Variants in NPHP4 observed in about 807,000 individuals in gnomAD.
NPHP4 encodes nephrocystin 4.
In NPHP4, 151 loss-of-function variants were observed where a neutral mutation model predicts 155.8. The observed-to-expected ratio is 0.97, with a 90% CI of 0.85 to 1.11. NPHP4 has a LOEUF of 1.11. NPHP4 is among the 50% of genes least tolerant of loss of function. The probability of loss-of-function intolerance (pLI) is 0.00; values close to 1 mark genes in which losing one functional copy is unlikely to be tolerated. For missense variants in NPHP4, 1,956 were observed against 1,925.7 expected (o/e 1.02, Z -0.29); for synonymous variants, 845 against 816.8 (o/e 1.03, Z -0.59).
intron 2 of NPHP4, among the ~76,000 whole-genome samples, chr1:5,978,974 T>C (rs1654189355): frequency 6.6e-6 from 1 of 152,150 alleles, no homozygotes; most frequent in South Asian, 2.1e-4. Flanking sequence ...AAAAAGCAGA[T>C]CTTTGAGAAT....
intron 11 of NPHP4, among the ~76,000 whole-genome samples, chr1:5,909,572 G>A (rs1487625866): frequency 6.6e-6 from 1 of 152,166 alleles, no homozygotes; most frequent in African/African-American, 2.4e-5. Flanking sequence ...GGGGTCTGAG[G>A]TTGCCCCAGT....
chr1:5,943,205 G>A (rs1048531389), intron 9 of NPHP4, among the ~76,000 whole-genome samples: 18 of 152,198 alleles, frequency 1.2e-4, no homozygotes, highest in Admixed American at 9.8e-4. Flanking sequence ...AAAGGTTTTA[G>A]ATGCTTTGGT....
chr1:5,910,351 C>T lies in NPHP4; in HGVS notation c.1442-1138G>A, dbSNP rs1000581844. Among the ~76,000 whole-genome samples, 3 of 152,178 alleles carry T rather than the reference C, an allele frequency of 2.0e-5. No individual in the cohort carries two copies. The highest frequency in any genetic ancestry group is 4.8e-5 in the African/African-American group (2 of 41,430). On this transcript the variant is annotated intron_variant, in intron 11 of 29. Coordinates refer to ENST00000378156, the MANE Select transcript of NPHP4 (RefSeq NM_015102.5). This position sits in a 1 kb window ranked among gnomAD's most constrained non-coding sequence, Gnocchi z 5.4. ...TGCAGCAGACACTACCACTCCCCAT[C>T]GGACTTCCAGGATAACCCAGACCTC...
Position 5,974,069 on chromosome 1 carries a change from C to T in NPHP4, c.279+4201G>A, listed in dbSNP as rs567779907. 1.5e-3 allele frequency among the ~76,000 whole-genome samples: 230 copies of T among 152,372 alleles called. 2 individuals carry two copies. The highest frequency in any genetic ancestry group is 5.2e-3 in the African/African-American group (218 of 41,580). On this transcript the variant is annotated intron_variant, in intron 3 of 29. Transcript: ENST00000378156. ...CAAGAATCCAGGCCCTGGAAGGGCTCGCAGGAGTTTCACGTGGGTTATGCT... is the reference window on the plus strand; with the variant it reads ...CAAGAATCCAGGCCCTGGAAGGGCTTGCAGGAGTTTCACGTGGGTTATGCT...
chr1:5,866,647 A>G, intron 25 of NPHP4, among the ~76,000 whole-genome samples, 189 bp from the exon 26 acceptor site: 1 of 152,194 alleles, frequency 6.6e-6, no homozygotes, highest in Non-Finnish European at 1.5e-5. Context: ...TAGCTTCCTG[A>G]TTTTACATGG....
chr1:5,880,047 G>A (rs540649992), intron 19 of NPHP4, 67 bp downstream of exon 19: 138 of 1,550,358 alleles, frequency 8.9e-5, no homozygotes, highest in African/African-American at 7.2e-4. Context: ...ACACACACAC[G>A]CAGTCTTCCA....
At chr1:5,941,251 T>C (rs998591111) in intron 9 of NPHP4, among the ~76,000 whole-genome samples, 2 of 74,164 alleles carry the variant, frequency 2.7e-5, no homozygotes, top group Admixed American at 2.1e-4. Context: ...AAAGATAAAA[T>C]CAGATCCATC....
rs559052130 is a variant in NPHP4, at chr1:5,984,119, T to G, written c.135+2036A>C. ...GTCTAAATGTTCATCAATCACGGCC[T>G]CACTCAATAAATGATGGCTCATTCA... On this transcript the variant is annotated intron_variant, in intron 2 of 29. Transcript: ENST00000378156. Among the ~76,000 whole-genome samples the G allele has an allele frequency of 1.8e-4, 27 of 152,306 alleles. No homozygotes were observed. In the Middle Eastern group the frequency reaches 0.014, roughly 77 times the overall value.
chr1:5,872,497 T>A (rs1642106960), intron 23 of NPHP4, among the ~76,000 whole-genome samples: 1 of 152,164 alleles, frequency 6.6e-6, no homozygotes, highest in Admixed American at 6.5e-5. Context: ...ATACATTCCT[T>A]AGATCAAGGC....
chr1:5,905,508 A>C lies in NPHP4; in HGVS notation c.1764-25T>G. 1 of 1,598,340 alleles carries C rather than the reference A, an allele frequency of 6.3e-7. No individual in the cohort carries two copies. Among genetic ancestry groups the C allele is most frequent in the South Asian group, 1.1e-5 (1 of 90,238 alleles). The stretch of plus-strand genomic sequence containing the variant: ...GCTGAGACACAGAGACTCCTCAGGT[A>C]GCCTCCCGGGAAAGGGGGGACCCAT... On this transcript the variant is annotated intron_variant, in intron 14 of 29. Transcript: ENST00000378156. The surrounding 1 kb of genome is among the most constrained non-coding windows in gnomAD (Gnocchi z 4.0).
intron 25 of NPHP4, 134 bp downstream of exon 25, chr1:5,866,896 T>C: frequency 1.4e-6 from 1 of 702,528 alleles, no homozygotes; most frequent in Admixed American, 2.1e-5. Flanking sequence ...AATAGCCCTT[T>C]AGTACCTTGG....
chr1:5,869,198 CAT>C (rs961573124), intron 23 of NPHP4, among the ~76,000 whole-genome samples: 6 of 149,206 alleles, frequency 4.0e-5, no homozygotes, highest in South Asian at 2.2e-4. Context: ...TACATGCACA[CAT>C]ATCCACCCAC....
chr1:5,916,864 TAGA>T (rs1645500060), intron 11 of NPHP4, among the ~76,000 whole-genome samples: 1 of 152,242 alleles, frequency 6.6e-6, no homozygotes, highest in South Asian at 2.1e-4. Flanking sequence ...AGCAGGCTTC[TAGA>T]AGGAGGACAG....
chr1:5,906,765 T>C, intron 13 of NPHP4, among the ~76,000 whole-genome samples: 1 of 152,266 alleles, frequency 6.6e-6, no homozygotes. Context: ...GGTCCTGGGG[T>C]GCTGGGTGCC....
At chr1:5,984,060 T>C (rs1194992882) in intron 2 of NPHP4, among the ~76,000 whole-genome samples, 2 of 152,234 alleles carry the variant, frequency 1.3e-5, no homozygotes, top group Non-Finnish European at 2.9e-5. Context: ...TTATTCACTG[T>C]AGCAGTGCCT....
rs542305871 is a variant in NPHP4, at chr1:5,988,093, T to C, written c.-38-1766A>G. On this transcript the variant is annotated intron_variant, in intron 1 of 29. Transcript: ENST00000378156. ...CCAATATTTTCTGAACAATGCGTAA[T>C]GGTACAAAATCCTGCAAGAAGAAAA... 3.9e-5 allele frequency among the ~76,000 whole-genome samples: 6 copies of C among 152,326 alleles called. No homozygotes were observed. In the East Asian group the frequency reaches 7.7e-4, roughly 20 times the overall value.
At chr1:5,947,737 C>A (rs551352180) in intron 8 of NPHP4, among the ~76,000 whole-genome samples, 95 of 152,280 alleles carry the variant, frequency 6.2e-4, no homozygotes, top group African/African-American at 2.2e-3. Context: ...GGTCTTGCTG[C>A]CCCCTGACTC....
intron 6 of NPHP4, among the ~76,000 whole-genome samples, chr1:5,958,582 C>A (rs1649677283): frequency 2.0e-5 from 3 of 151,888 alleles, no homozygotes; most frequent in Non-Finnish European, 4.4e-5. Flanking sequence ...GTAATCCCAG[C>A]TACTCGGGAG....
At chr1:5,975,475 A>G (rs1653385172) in intron 3 of NPHP4, among the ~76,000 whole-genome samples, 1 of 152,182 alleles carries the variant, frequency 6.6e-6, no homozygotes, top group Non-Finnish European at 1.5e-5. Context: ...TCCTTGCTGC[A>G]TTCCCTTCTT....
Sources: allele counts gnomAD v4.1 joint callset (sites outside exome capture counted in the v4.1 genomes callset), GRCh38; gene constraint gnomAD v4.1.1; non-coding constraint Gnocchi (gnomAD v3.1); transcripts MANE v1.5; gene names NCBI Gene and HGNC (gene_info 2026-07-23, HGNC 2026-07-21).